ABCA10: variants seen among roughly 807,000 people sequenced by gnomAD.
The protein encoded by ABCA10 is ATP binding cassette subfamily A member 10, also known as ATP-binding cassette sub-family A member 10.
In ABCA10, 169 loss-of-function variants were observed where a neutral mutation model predicts 187.5. That is an observed-to-expected ratio of 0.90 (90% CI 0.80 to 1.02). ABCA10 has a LOEUF of 1.02. Among genes scored for constraint, ABCA10 ranks in the 50% least tolerant of loss-of-function variants. The pLI, the probability that ABCA10 is intolerant of heterozygous loss-of-function variation, is 0.00. For missense variants in ABCA10, 1,727 were observed against 1,812.4 expected (o/e 0.95, Z 0.86); for synonymous variants, 574 against 601.8 (o/e 0.95, Z 0.68).
intron 13 of ABCA10, 33 bp from the exon 14 acceptor site, chr17:69,193,645 A>C: frequency 2.5e-6 from 4 of 1,569,970 alleles, no homozygotes; most frequent in Non-Finnish European, 3.5e-6. Context: ...AACAATATCA[A>C]ATATTTTACT....
intron 19 of ABCA10, 80 bp downstream of exon 19, chr17:69,187,601 A>G: frequency 7.2e-7 from 1 of 1,386,710 alleles, no homozygotes; most frequent in Non-Finnish European, 9.7e-7. Context: ...TGAATGAATA[A>G]ATTAATATAT....
chr17:69,197,888 C>A (rs930891368), intron 10 of ABCA10, among the ~76,000 whole-genome samples: 1 of 152,198 alleles, frequency 6.6e-6, no homozygotes, highest in African/African-American at 2.4e-5. Context: ...TACCTAAATT[C>A]TAATGATTCC....
At position 69,154,343 on chromosome 17, in the gene ABCA10, C is replaced by T; in HGVS notation, c.3695-17G>A. 6.4e-7 allele frequency: 1 copy of T among 1,550,654 alleles called. No homozygotes were observed. The highest frequency in any genetic ancestry group is 8.7e-7 in the Non-Finnish European group (1 of 1,145,802). ...AAACTTCACCTGGAAGAAAGAGTCA[C>T]CATCAATATTTGAATTTTCAAGGTT... On this transcript the variant is annotated splice_polypyrimidine_tract_variant and intron_variant, in intron 30 of 38. Coordinates refer to ENST00000690296, the MANE Select transcript of ABCA10 (RefSeq NM_001377321.1).
intron 27 of ABCA10, among the ~76,000 whole-genome samples, chr17:69,162,828 T>TATACACATACATATACAC (rs1568051480): frequency 1.2e-5 from 1 of 81,136 alleles, no homozygotes; most frequent in African/African-American, 3.6e-5. Context: ...TACATATACA[T>TATACACATACATATACAC]ATACATATAC....
At position 69,225,498 on chromosome 17, in the gene ABCA10, T is replaced by C; in HGVS notation, c.-140A>G. On this transcript the variant is annotated 5_prime_UTR_variant, in exon 3 of 39. It adds an upstream start codon to the 5' untranslated region. Coordinates refer to ENST00000690296, the MANE Select transcript of ABCA10 (RefSeq NM_001377321.1). ...GAAGTGTTCCGAAAAGATGCACAAATATAGCCCTAGAAACAATGTTATTGT... is the reference window on the plus strand; with the variant it reads ...GAAGTGTTCCGAAAAGATGCACAAACATAGCCCTAGAAACAATGTTATTGT... 1 of 708,456 alleles carries C rather than the reference T, an allele frequency of 1.4e-6. No individual in the cohort carries two copies. Among genetic ancestry groups the C allele is most frequent in the Non-Finnish European group, 2.4e-6 (1 of 420,102 alleles). 43.9% of individuals were successfully genotyped at this position (708,456 alleles called of 1,614,324 possible).
intron 27 of ABCA10, among the ~76,000 whole-genome samples, chr17:69,159,749 T>C (rs2074200600): frequency 6.6e-6 from 1 of 152,144 alleles, no homozygotes; most frequent in Non-Finnish European, 1.5e-5. Flanking sequence ...CATCATTACA[T>C]TAAAAAGGGA....
At chr17:69,161,907 T>G (rs916166260) in intron 27 of ABCA10, among the ~76,000 whole-genome samples, 3 of 152,104 alleles carry the variant, frequency 2.0e-5, no homozygotes, top group Non-Finnish European at 4.4e-5. Context: ...GTTAAGTGGT[T>G]TTAAGAAGGA....
At chr17:69,156,964 GCATTCAC>G in intron 27 of ABCA10, 41 bp from the exon 28 acceptor site, 1 of 1,215,656 alleles carries the variant, frequency 8.2e-7, no homozygotes, top group Non-Finnish European at 1.1e-6. Context: ...CATCACCATG[GCATTCAC>G]ACTCAATGGT....
intron 9 of ABCA10, among the ~76,000 whole-genome samples, chr17:69,206,230 T>C (rs1233501460): frequency 6.6e-6 from 1 of 152,196 alleles, no homozygotes. Flanking sequence ...TCTAGAATAA[T>C]ACTTTTCTTT....
intron 34 of ABCA10, among the ~76,000 whole-genome samples, chr17:69,152,962 A>T (rs1366108487): frequency 6.6e-6 from 1 of 152,162 alleles, no homozygotes; most frequent in Admixed American, 6.5e-5. Context: ...CTATTGGGGA[A>T]GAAAAGTAGG....
chr17:69,220,516 CAG>C (rs532497094), intron 5 of ABCA10, among the ~76,000 whole-genome samples: 52 of 152,254 alleles, frequency 3.4e-4, no homozygotes, highest in South Asian at 1.0e-3. Flanking sequence ...ATGAGTGAGA[CAG>C]AGAAAATTTT....
intron 1 of ABCA10, among the ~76,000 whole-genome samples, chr17:69,242,806 A>T (rs534154935): frequency 2.0e-5 from 3 of 152,344 alleles, no homozygotes; most frequent in Admixed American, 1.3e-4. Flanking sequence ...CAGAAGCTGG[A>T]AAGTCCTATT....
At chr17:69,243,545 T>C (rs1456204758) in intron 1 of ABCA10, among the ~76,000 whole-genome samples, 4 of 152,338 alleles carry the variant, frequency 2.6e-5, no homozygotes, top group African/African-American at 9.6e-5. Flanking sequence ...TTACTATATT[T>C]ATGCAAGTGT....
intron 9 of ABCA10, among the ~76,000 whole-genome samples, chr17:69,213,677 C>A (rs746795507): frequency 2.0e-5 from 3 of 152,206 alleles, no homozygotes; most frequent in Non-Finnish European, 2.9e-5. Context: ...GCAGGGCTCT[C>A]GGGCCTGGCT....
At chr17:69,222,772 G>A in intron 3 of ABCA10, 75 bp from the exon 4 acceptor site, 1 of 1,322,422 alleles carries the variant, frequency 7.6e-7, no homozygotes, top group Middle Eastern at 2.4e-4. Flanking sequence ...AAATACAGTT[G>A]CTTGTTTTAT....
chr17:69,159,860 A>G (rs1001836216), intron 27 of ABCA10, among the ~76,000 whole-genome samples: 3 of 152,154 alleles, frequency 2.0e-5, no homozygotes, highest in African/African-American at 7.2e-5. Context: ...ATATGCTCAA[A>G]TAATCTTCAA....
At chr17:69,219,135 A>AC (rs1040060675) in intron 6 of ABCA10, among the ~76,000 whole-genome samples, 29 of 152,306 alleles carry the variant, frequency 1.9e-4, no homozygotes, top group African/African-American at 6.0e-4. Flanking sequence ...ATGGCCAGCT[A>AC]GCCTACTGGC....
chr17:69,162,844 T>TATACATATACATATACATATACATATAC (rs1568051561), intron 27 of ABCA10, among the ~76,000 whole-genome samples: 7 of 20,530 alleles, frequency 3.4e-4, no homozygotes, highest in South Asian at 1.4e-3. Flanking sequence ...TATACATATA[T>TATACATATACATATACATATACATATAC]ATATATATAT....
At chr17:69,220,225 A>C (rs907992808) in intron 5 of ABCA10, among the ~76,000 whole-genome samples, 13 of 152,104 alleles carry the variant, frequency 8.5e-5, no homozygotes, top group Non-Finnish European at 1.8e-4. Flanking sequence ...GATCTTTCCT[A>C]AACAAAGATT....
Sources: gnomAD v4.1 joint callset for allele counts (sites outside exome capture counted in the v4.1 genomes callset) on GRCh38, gnomAD v4.1.1 for gene constraint, MANE v1.5 for transcripts, NCBI Gene and HGNC (gene_info 2026-07-23, HGNC 2026-07-21) for gene names.